The following UBN2 variants were observed in gnomAD, a reference collection of about 807,000 sequenced individuals.
The protein encoded by UBN2 is ubinuclein-2.
Under a neutral mutation model 120.2 loss-of-function variants are expected in UBN2, and 35 were observed. The observed-to-expected ratio is 0.29, with a 90% CI of 0.22 to 0.39. UBN2 has a LOEUF of 0.39. Among genes scored for constraint, UBN2 ranks in the 10% least tolerant of loss-of-function variants. The pLI, the probability that UBN2 is intolerant of heterozygous loss-of-function variation, is 1.00. For synonymous variants in UBN2, 661 were observed against 648.7 expected, an observed-to-expected ratio of 1.02 and a Z score of -0.29; for missense variants, 1,693 against 1,663.2, an observed-to-expected ratio of 1.02 and a Z score of -0.31.
chr7:139,276,317 C>A, intron 12 of UBN2, 170 bp downstream of exon 12: 1 of 667,334 alleles, frequency 1.5e-6, no homozygotes, highest in Non-Finnish European at 2.6e-6. Flanking sequence ...TGTCAGGGTA[C>A]TCTCTAAACA....
chr7:139,318,637 A>G, the UBN2 span, among the ~76,000 whole-genome samples: 2 of 152,140 alleles, frequency 1.3e-5, no homozygotes, highest in African/African-American at 2.4e-5. Context: ...TTGGGACTAC[A>G]GGTGCGTGCC....
chr7:139,285,176 C>A (rs965045145), intron 15 of UBN2, among the ~76,000 whole-genome samples: 1 of 151,982 alleles, frequency 6.6e-6, no homozygotes, highest in Admixed American at 6.6e-5. Context: ...TTTAAACTTA[C>A]CTCTCAATTA....
chr7:139,325,449 A>T, the UBN2 span, among the ~76,000 whole-genome samples: 1 of 151,818 alleles, frequency 6.6e-6, no homozygotes, highest in Non-Finnish European at 1.5e-5. Flanking sequence ...TTGTATTTTT[A>T]ATAGAGAAAG....
chr7:139,249,310 G>C (rs776004702), intron 2 of UBN2, among the ~76,000 whole-genome samples: 3 of 152,124 alleles, frequency 2.0e-5, no homozygotes, highest in Non-Finnish European at 4.4e-5. Context: ...GTAGGAGTTA[G>C]GTTTTTTTAG....
At position 139,273,392 on chromosome 7, in the gene UBN2, A is replaced by G. The variant is rs202235323; in HGVS notation, c.1811A>G (p.His604Arg). The G allele has an allele frequency of 1.2e-4, 185 of 1,599,958 alleles. No individual in the cohort carries two copies. The highest frequency in any genetic ancestry group is 1.5e-4 in the Non-Finnish European group (173 of 1,171,622). Residue 604 changes from histidine (H) to arginine (R), a missense_variant, in exon 10 of 18, where the codon CAC becomes CGC. By Grantham distance (29) the His-to-Arg change is conservative. Around this residue, in one of 5 missense-constraint regions of UBN2, gnomAD observed 178 missense variants for 204.0 expected, o/e 0.87. Transcript: ENST00000473989. ...KRVIGPRKKF[H>R]WDDTIRTLLC... ...GTCATAGGACCAAGAAAGAAATTCC[A>G]CTGGGATGACACTATCAGGTAAGAT...
At chr7:139,308,794 G>A (rs561779488), downstream of UBN2, among the ~76,000 whole-genome samples, 6 of 152,320 alleles carry the variant, frequency 3.9e-5, no homozygotes, top group Admixed American at 6.5e-5. Flanking sequence ...GTAAGAGGCC[G>A]GGCGTGGTGG....
the UBN2 span, among the ~76,000 whole-genome samples, chr7:139,318,655 C>T: frequency 6.6e-6 from 1 of 151,920 alleles, no homozygotes; most frequent in Non-Finnish European, 1.5e-5. Flanking sequence ...GCCACCATAC[C>T]CAGCTAATTT....
At chr7:139,278,095 A>G (rs987563597) in intron 12 of UBN2, among the ~76,000 whole-genome samples, 2 of 152,066 alleles carry the variant, frequency 1.3e-5, no homozygotes, top group Non-Finnish European at 2.9e-5. Context: ...AAAGCCATAT[A>G]TACATTACAA....
Position 139,258,628 on chromosome 7 carries a change from G to C in UBN2, c.801+3G>C. 1 of 1,587,962 alleles carries C rather than the reference G, an allele frequency of 6.3e-7. No homozygotes were observed. The highest frequency in any genetic ancestry group is 8.6e-7 in the Non-Finnish European group (1 of 1,166,626). On this transcript the variant is annotated splice_donor_region_variant and intron_variant, in intron 4 of 17. Transcript: ENST00000473989. Reference sequence around the variant, plus strand: ...ACCAAAAGCACAAGCCACCCAAGGTGAGTTTATCAAACATTGCAACAGTAC... The same window carrying C: ...ACCAAAAGCACAAGCCACCCAAGGTCAGTTTATCAAACATTGCAACAGTAC...
At position 139,304,483 on chromosome 7, in the gene UBN2, TGCTGCAG is replaced by T. The variant is rs1798323131; in HGVS notation, c.*6648_*6654del. 6.6e-6 allele frequency: 1 copy of T among 152,188 alleles called. No individual in the cohort carries two copies. Among genetic ancestry groups the T allele is most frequent in the Non-Finnish European group, 1.5e-5 (1 of 68,046 alleles). The allele number at this position is 152,188 out of a possible 1,614,324, so 9.4% of individuals were successfully genotyped here. A position where few individuals can be genotyped will look rare whatever the true frequency, so the allele number is the denominator to read the frequency against. On this transcript the variant is annotated 3_prime_UTR_variant, in exon 18 of 18. Coordinates refer to ENST00000473989, the MANE Select transcript of UBN2 (RefSeq NM_173569.4). ...ATAGCAACAGGAAAAGAAAAATGGA[TGCTGCAG>T]TTTTAGTTGGGGCTAAATGCTGAGC... is the stretch of plus-strand genomic sequence containing the variant.
At chr7:139,319,301 T>G in the UBN2 span, among the ~76,000 whole-genome samples, 1 of 152,138 alleles carries the variant, frequency 6.6e-6, no homozygotes, top group African/African-American at 2.4e-5. Flanking sequence ...CAGGCTGATC[T>G]CGAACTCCTG....
rs750772422 is a variant in UBN2, at chr7:139,273,393, C to A, written c.1812C>A (p.His604Gln). Residue 604 changes from histidine to glutamine, a missense_variant, in exon 10 of 18, where the codon CAC becomes CAA. His to Gln is a conservative substitution (Grantham distance 24, BLOSUM62 0). Coordinates refer to ENST00000473989, the MANE Select transcript of UBN2 (RefSeq NM_173569.4). ...KRVIGPRKKFHWDDTIRTLLC... is the reference protein window; with the variant it reads ...KRVIGPRKKFQWDDTIRTLLC... ...TCATAGGACCAAGAAAGAAATTCCA[C>A]TGGGATGACACTATCAGGTAAGATT... The A allele has an allele frequency of 6.3e-7, 1 of 1,598,796 alleles. No individual in the cohort carries two copies.
rs578135723 is a variant in UBN2, at chr7:139,300,111, C to A, written c.*2275C>A. The A allele has an allele frequency of 6.6e-6, 1 of 152,072 alleles. No homozygotes were observed. The highest frequency in any genetic ancestry group is 2.4e-5 in the African/African-American group (1 of 41,396). 9.4% of individuals were successfully genotyped at this position (152,072 alleles called of 1,614,324 possible). On this transcript the variant is annotated 3_prime_UTR_variant, in exon 18 of 18. Transcript: ENST00000473989. ...GGTGACTGTCATCATTAGAAAAGAACAAGATAATCAGTTCTTTTCCCTGTA... is the reference window on the plus strand; with the variant it reads ...GGTGACTGTCATCATTAGAAAAGAAAAAGATAATCAGTTCTTTTCCCTGTA...
chr7:139,253,984 C>G (rs1796689383), intron 3 of UBN2, among the ~76,000 whole-genome samples: 1 of 152,168 alleles, frequency 6.6e-6, no homozygotes, highest in Non-Finnish European at 1.5e-5. Context: ...GATATTCTGT[C>G]AAACTCCTAA....
Position 139,283,464 on chromosome 7 carries a change from T to C in UBN2, c.2559T>C (p.Ser853=). 2 of 1,614,144 alleles carry C rather than the reference T, an allele frequency of 1.2e-6. No homozygotes were observed. The highest frequency in any genetic ancestry group is 2.2e-5 in the East Asian group (1 of 44,878). ...KPQDLAHTGI[S]SGLIAGSSIQ... Reference sequence around the variant, plus strand: ...AGGATTTAGCTCATACTGGCATCTCTTCAGGCCTTATTGCTGGTTCTTCCA... The same window carrying C: ...AGGATTTAGCTCATACTGGCATCTCCTCAGGCCTTATTGCTGGTTCTTCCA... Residue 853 remains serine, a synonymous_variant, in exon 15 of 18, where the codon TCT becomes TCC. Coordinates refer to ENST00000473989, the MANE Select transcript of UBN2 (RefSeq NM_173569.4).
intron 6 of UBN2, among the ~76,000 whole-genome samples, chr7:139,262,377 G>A (rs1004255648): frequency 6.6e-6 from 1 of 152,152 alleles, no homozygotes; most frequent in Admixed American, 6.5e-5. Context: ...TGGGATTACA[G>A]GTGTGACCCA....
chr7:139,307,258 C>G lies in UBN2; in HGVS notation c.*9422C>G, dbSNP rs1798373891. The G allele has an allele frequency of 6.6e-6, 1 of 152,170 alleles. No individual in the cohort carries two copies. The highest frequency in any genetic ancestry group is 2.4e-5 in the African/African-American group (1 of 41,524). 9.4% of individuals were successfully genotyped at this position (152,170 alleles called of 1,614,324 possible). ...TTGCTTATAGGGAGGTGTGTTTTTGCTAACTTGAAGGGATATACTGTATTT... is the reference window on the plus strand; with the variant it reads ...TTGCTTATAGGGAGGTGTGTTTTTGGTAACTTGAAGGGATATACTGTATTT... On this transcript the variant is annotated 3_prime_UTR_variant, in exon 18 of 18. Coordinates refer to ENST00000473989, the MANE Select transcript of UBN2 (RefSeq NM_173569.4).
rs780926338 is a variant in UBN2 at position 139,293,966 on chromosome 7, C to G, written c.3979C>G (p.Gln1327Glu). The G allele has an allele frequency of 6.2e-6, 10 of 1,614,032 alleles. No homozygotes were observed. The highest frequency in any genetic ancestry group is 5.5e-5 in the South Asian group (5 of 91,084). ...CCACTCACCTCTGCCTGCACACTTA[C>G]AGCAAGCATTTCACGGTGAGAACGC... ...LSHSPLPAHL[Q>E]QAFHDGGQSK... The change falls in exon 17 of 18, where the codon CAG becomes GAG. Residue 1327 changes from glutamine to glutamate, a missense_variant. Transcript: ENST00000473989.
rs1020998958 is a variant in UBN2, at chr7:139,237,301, A to T, written c.561+204A>T. Reference sequence around the variant, plus strand: ...GTAGCCATCATTCATTTTTATTTTTATTTATTTATTTTGGAAACAGGGTCT... The same window carrying T: ...GTAGCCATCATTCATTTTTATTTTTTTTTATTTATTTTGGAAACAGGGTCT... On this transcript the variant is annotated intron_variant, in intron 2 of 17. Coordinates refer to ENST00000473989, the MANE Select transcript of UBN2 (RefSeq NM_173569.4). Among the ~76,000 whole-genome samples the T allele has an allele frequency of 6.6e-5, 10 of 152,058 alleles. No homozygotes were observed. The East Asian group carries it at 1.9e-3, about 29-fold the overall frequency.
Sources: allele counts gnomAD v4.1 joint callset (sites outside exome capture counted in the v4.1 genomes callset), GRCh38; gene constraint gnomAD v4.1.1; regional missense constraint gnomAD v4.1.1; transcripts MANE v1.5; gene names NCBI Gene and HGNC (gene_info 2026-07-23, HGNC 2026-07-21).